The following EPHB2 variants were observed in gnomAD, a reference collection of about 807,000 sequenced individuals.
EPHB2 encodes the protein ephrin type-B receptor 2.
In EPHB2, 18 loss-of-function variants were observed where a neutral mutation model predicts 96.4. That is an observed-to-expected ratio of 0.19 (90% CI 0.13 to 0.28). The LOEUF is 0.28. Ranked by LOEUF, EPHB2 falls within the 10% of genes least tolerant of loss-of-function variation. EPHB2 has a pLI of 1.00. For synonymous variants in EPHB2, 506 were observed against 534.1 expected (o/e 0.95, Z 0.72); for missense variants, 989 against 1,355.4 (o/e 0.73, Z 4.25).
intron 3 of EPHB2, among the ~76,000 whole-genome samples, chr1:22,820,695 A>G (rs910355944): frequency 6.6e-6 from 1 of 152,190 alleles, no homozygotes; most frequent in Non-Finnish European, 1.5e-5. Flanking sequence ...AAAATTAGCA[A>G]CTATTATTTA....
chr1:22,821,884 G>A (rs1645157247), intron 3 of EPHB2, among the ~76,000 whole-genome samples: 1 of 152,210 alleles, frequency 6.6e-6, no homozygotes, highest in Non-Finnish European at 1.5e-5. Flanking sequence ...TTTTTGCTTA[G>A]TGAATGTGGT....
chr1:22,901,546 A>G (rs146961784), intron 9 of EPHB2, among the ~76,000 whole-genome samples: 6 of 152,320 alleles, frequency 3.9e-5, no homozygotes, highest in South Asian at 2.1e-4. Context: ...TCATCCAAAC[A>G]ACAGCCCAGG....
chr1:22,894,577 CAA>C (rs1329826609), intron 7 of EPHB2, among the ~76,000 whole-genome samples: 1 of 138,670 alleles, frequency 7.2e-6, no homozygotes, highest in Non-Finnish European at 1.5e-5. Flanking sequence ...AGCCTAGTGA[CAA>C]GAGTGAAACT....
At chr1:22,772,238 G>A (rs907319340) in intron 1 of EPHB2, among the ~76,000 whole-genome samples, 15 of 152,272 alleles carry the variant, frequency 9.9e-5, no homozygotes, top group African/African-American at 3.1e-4. Context: ...CAGCCGGGGC[G>A]GCCAGTGCTG....
At chr1:22,863,918 G>C (rs1266256374) in intron 4 of EPHB2, among the ~76,000 whole-genome samples, 1 of 152,072 alleles carries the variant, frequency 6.6e-6, no homozygotes, top group Non-Finnish European at 1.5e-5. Flanking sequence ...GTAGAGACAG[G>C]GTCTCGCTAT....
chr1:22,892,876 C>A lies in EPHB2; in HGVS notation c.1429-8C>A. ...ACCTCACTAATTTTCTTCTCTGTTC[C>A]TCGGCAGGAGCTCAGTGAGTACAAC... On this transcript the variant is annotated splice_polypyrimidine_tract_variant and splice_region_variant and intron_variant, in intron 6 of 15. Transcript: ENST00000374630. 6.2e-7 allele frequency: 1 copy of A among 1,614,212 alleles called. No homozygotes were observed. The highest frequency in any genetic ancestry group is 8.5e-7 in the Non-Finnish European group (1 of 1,180,034).
chr1:22,820,354 T>C (rs909925358), intron 3 of EPHB2, among the ~76,000 whole-genome samples: 8 of 152,134 alleles, frequency 5.3e-5, no homozygotes, highest in African/African-American at 9.7e-5. Flanking sequence ...ATAATAATAA[T>C]GATAGCTGTA....
chr1:22,733,151 C>T lies in EPHB2; in HGVS notation c.61+22108C>T, dbSNP rs772758835. ...GCAACCTCTGCCTCCCCAGTTCAAGCGATTCTCCTGCCTCAGCCTCCTGAG... is the reference window on the plus strand; with the variant it reads ...GCAACCTCTGCCTCCCCAGTTCAAGTGATTCTCCTGCCTCAGCCTCCTGAG... On this transcript the variant is annotated intron_variant, in intron 1 of 15. Transcript: ENST00000374630. This position sits in a 1 kb window ranked among gnomAD's most constrained non-coding sequence, Gnocchi z 4.6. Among the ~76,000 whole-genome samples, 5 of 152,076 alleles carry T rather than the reference C, an allele frequency of 3.3e-5. No homozygotes were observed. The highest frequency in any genetic ancestry group is 7.4e-5 in the Non-Finnish European group (5 of 68,022).
At position 22,776,613 on chromosome 1, in the gene EPHB2, T is replaced by C. The variant is rs142277310; in HGVS notation, c.62-4808T>C. Among the ~76,000 whole-genome samples the C allele has an allele frequency of 1.4e-3, 215 of 152,364 alleles. 2 individuals carry two copies. Among genetic ancestry groups the C allele is most frequent in the African/African-American group, 4.9e-3 (204 of 41,578 alleles). ...CTTTGCAGACAAACATTTTTAATTG[T>C]AGTAGTCTGTGTTTATTTTCCTTCC... On this transcript the variant is annotated intron_variant, in intron 1 of 15. Coordinates refer to ENST00000374630, the MANE Select transcript of EPHB2 (RefSeq NM_017449.5).
At chr1:22,745,462 C>G (rs1643959137) in intron 1 of EPHB2, among the ~76,000 whole-genome samples, 3 of 152,156 alleles carry the variant, frequency 2.0e-5, no homozygotes, top group Non-Finnish European at 2.9e-5. Flanking sequence ...TTGATGAGGA[C>G]AGGACACGAG....
At chr1:22,753,192 A>C (rs539352078) in intron 1 of EPHB2, among the ~76,000 whole-genome samples, 2 of 151,602 alleles carry the variant, frequency 1.3e-5, no homozygotes, top group East Asian at 3.9e-4. Flanking sequence ...GAGTTGGGCA[A>C]CCCTGGATTT....
At chr1:22,771,571 C>T (rs1376022367) in intron 1 of EPHB2, among the ~76,000 whole-genome samples, 1 of 152,216 alleles carries the variant, frequency 6.6e-6, no homozygotes, top group African/African-American at 2.4e-5. Flanking sequence ...CTCAGCTCTG[C>T]CACGTCTTGC....
rs1178119090 is a variant in EPHB2, at chr1:22,768,643, T to G, written c.62-12778T>G. Among the ~76,000 whole-genome samples the G allele has an allele frequency of 3.3e-5, 5 of 151,690 alleles. No homozygotes were observed. In the East Asian group the frequency reaches 9.7e-4, roughly 29 times the overall value. ...TGGAGGTTGAGGCTGCAGTGAGTCA[T>G]GCTGCCACTGCACTCTGGCCTAGGT... On this transcript the variant is annotated intron_variant, in intron 1 of 15. Coordinates refer to ENST00000374630, the MANE Select transcript of EPHB2 (RefSeq NM_017449.5).
At chr1:22,782,067 G>A (rs1296845545) in intron 2 of EPHB2, among the ~76,000 whole-genome samples, 2 of 152,136 alleles carry the variant, frequency 1.3e-5, no homozygotes, top group African/African-American at 4.8e-5. Flanking sequence ...TATGCTGTGA[G>A]CTCTCCAAGA....
rs549831934 is a variant in EPHB2 at position 22,778,607 on chromosome 1, C to T, written c.62-2814C>T. On this transcript the variant is annotated intron_variant, in intron 1 of 15. Transcript: ENST00000374630. Reference sequence around the variant, plus strand: ...CAGGAGAAGGGAGCAGAGGAGATGCCGGCCCTCTACCTCCTCCCAAGGGGA... The same window carrying T: ...CAGGAGAAGGGAGCAGAGGAGATGCTGGCCCTCTACCTCCTCCCAAGGGGA... Among the ~76,000 whole-genome samples the T allele has an allele frequency of 1.1e-4, 17 of 152,304 alleles. No homozygotes were observed. In the South Asian group the frequency reaches 2.9e-3, roughly 26 times the overall value.
rs1639566437 is a variant in EPHB2, at chr1:22,896,450, C to T, written c.1737C>T (p.Asp579=). Residue 579 remains aspartate, a synonymous_variant, in exon 9 of 16, where the codon GAC becomes GAT. Transcript: ENST00000374630. ...GFERADSEYT[D]KLQHYTSGHM... ...AGCGTGCTGACTCGGAGTACACGGA[C>T]AAGCTGCAACACTACACCAGTGGCC... 6.2e-7 allele frequency: 1 copy of T among 1,614,150 alleles called. No homozygotes were observed. The highest frequency in any genetic ancestry group is 1.3e-5 in the African/African-American group (1 of 75,032).
rs562918966 is a variant in EPHB2, at chr1:22,711,719, C to T, written c.61+676C>T. 4.9e-3 allele frequency among the ~76,000 whole-genome samples: 739 copies of T among 152,118 alleles called. 5 individuals carry two copies. Among genetic ancestry groups the T allele is most frequent in the Middle Eastern group, 6.8e-3 (2 of 292 alleles). On this transcript the variant is annotated intron_variant, in intron 1 of 15. Transcript: ENST00000374630. ...GGTCTCCGGGCACCCCCGCCGGCCA[C>T]CGCCCCGCGGCCGCGGCGCTCAGCG...
At chr1:22,892,802 C>G in intron 6 of EPHB2, 82 bp from the exon 7 acceptor site, 2 of 1,573,040 alleles carry the variant, frequency 1.3e-6, no homozygotes, top group African/African-American at 2.7e-5. Flanking sequence ...AGACCTGCCC[C>G]CAATGTGGCA....
At chr1:22,899,292 G>A (rs187666711) in intron 9 of EPHB2, among the ~76,000 whole-genome samples, 6 of 151,102 alleles carry the variant, frequency 4.0e-5, no homozygotes, top group Admixed American at 4.0e-4. Context: ...ACCTGAGGTC[G>A]GGAGTTCAAG....
Sources: allele counts gnomAD v4.1 joint callset (sites outside exome capture counted in the v4.1 genomes callset), GRCh38; gene constraint gnomAD v4.1.1; non-coding constraint Gnocchi (gnomAD v3.1); transcripts MANE v1.5; gene names NCBI Gene and HGNC (gene_info 2026-07-23, HGNC 2026-07-21).